Variants in ALX4 observed in about 807,000 individuals in gnomAD.
ALX4 encodes the protein homeobox protein aristaless-like 4.
Under a neutral mutation model 40.6 loss-of-function variants are expected in ALX4, and 22 were observed. The ratio of observed to expected loss-of-function variants is 0.54; its 90% CI spans 0.39 to 0.77. The LOEUF is 0.77. ALX4 is among the 30% of genes least tolerant of loss of function. ALX4 has a pLI of 0.00. For missense variants in ALX4, 556 were observed against 564.8 expected, an observed-to-expected ratio of 0.98 and a Z score of 0.16; for synonymous variants, 266 against 240.5, an observed-to-expected ratio of 1.11 and a Z score of -0.98.
chr11:44,298,734 A>T (rs534523706), intron 1 of ALX4, among the ~76,000 whole-genome samples: 23 of 151,936 alleles, frequency 1.5e-4, no homozygotes, highest in African/African-American at 5.5e-4. Context: ...GAAGACCAAG[A>T]CTTGTGCTAA....
rs1442092132 is a variant in ALX4 at position 44,265,095 on chromosome 11, A to T, written c.995T>A (p.Met332Lys). Residue 332 changes from methionine to lysine, a missense_variant, in exon 4 of 4, where the codon ATG becomes AAG. By Grantham distance (95) the Met-to-Lys change is moderately conservative. Coordinates refer to ENST00000652299, the MANE Select transcript of ALX4 (RefSeq NM_021926.4). ...GCCAGGGGGGTGGGCATGAGGGGAC[A>T]TGCAGGCAGGCACCGGGTCGCAGGG... ...VVPCDPVPAC[M>K]SPHAHPPGSG... 3.1e-6 allele frequency: 5 copies of T among 1,612,714 alleles called. No individual in the cohort carries two copies. The highest frequency in any genetic ancestry group is 4.2e-6 in the Non-Finnish European group (5 of 1,179,796).
chr11:44,270,970 C>T (rs1391910058), intron 2 of ALX4, among the ~76,000 whole-genome samples: 1 of 152,186 alleles, frequency 6.6e-6, no homozygotes, highest in East Asian at 1.9e-4. Flanking sequence ...GAGAGAGGCC[C>T]CTGCAGCCCC....
At chr11:44,306,421 C>A (rs1269357274) in intron 1 of ALX4, among the ~76,000 whole-genome samples, 3 of 152,254 alleles carry the variant, frequency 2.0e-5, no homozygotes, top group Non-Finnish European at 4.4e-5. Context: ...ACCTTCCTTG[C>A]CGAGAGGCAA....
intron 2 of ALX4, among the ~76,000 whole-genome samples, chr11:44,271,346 T>C (rs2135310347): frequency 6.6e-6 from 1 of 152,364 alleles, no homozygotes; most frequent in East Asian, 1.9e-4. Context: ...GTCGCAGTGC[T>C]GCTACTGAGT....
chr11:44,274,057 T>C (rs1356100066), intron 2 of ALX4, among the ~76,000 whole-genome samples: 3 of 152,194 alleles, frequency 2.0e-5, no homozygotes, highest in African/African-American at 7.2e-5. Flanking sequence ...GGATGATCAC[T>C]TTAGCCTAGG....
chr11:44,302,334 C>T (rs906560807), intron 1 of ALX4, among the ~76,000 whole-genome samples: 10 of 152,304 alleles, frequency 6.6e-5, no homozygotes, highest in East Asian at 3.9e-4. Context: ...AGAATGGGCA[C>T]GGCACACACC....
chr11:44,280,886 T>TG (rs1314555621), intron 1 of ALX4, among the ~76,000 whole-genome samples: 2 of 152,162 alleles, frequency 1.3e-5, no homozygotes. Flanking sequence ...GAACTCCCCC[T>TG]GGGGGGACCC....
In ALX4 at chr11:44,265,163, G is replaced by A. The variant is rs747416406; in HGVS notation, c.927C>T (p.Leu309=). Residue 309 remains leucine (L), a synonymous_variant, in exon 4 of 4, where the codon CTC becomes CTT. Transcript: ENST00000652299. The part of the protein sequence containing the change: ...NYAQIQNPSW[L]GNNGAASPVP... ...CTGGTGAGGCAGCCCCGTTGTTGCC[G>A]AGCCAGGACGGGTTCTGAATCTGGG... 2.4e-5 allele frequency: 39 copies of A among 1,604,034 alleles called. No individual in the cohort carries two copies. Among genetic ancestry groups the A allele is most frequent in the Middle Eastern group, 3.3e-4 (2 of 5,998 alleles).
chr11:44,275,469 G>A lies in ALX4; in HGVS notation c.656C>T (p.Thr219Ile). ...CTCCAGCTGGTAGCTGGTGAAGGTG[G>A]TCCGGTTCCGCCGCTTCTTGCCCTT... ...SNKGKKRRNR[T>I]TFTSYQLEEL... The change falls in exon 2 of 4, where the codon ACC (threonine) becomes ATC (isoleucine). Residue 219 changes from threonine to isoleucine, a missense_variant. Coordinates refer to ENST00000652299, the MANE Select transcript of ALX4 (RefSeq NM_021926.4). The A allele has an allele frequency of 1.2e-6, 2 of 1,613,994 alleles. No individual in the cohort carries two copies. The highest frequency in any genetic ancestry group is 1.7e-6 in the Non-Finnish European group (2 of 1,179,878).
At chr11:44,270,341 TGA>T (rs141346990) in intron 2 of ALX4, among the ~76,000 whole-genome samples, 19,952 of 151,940 alleles carry the variant, frequency 0.13, 1,662 homozygotes, top group Non-Finnish European at 0.19. Context: ...ATGGAAATGG[TGA>T]GAGGCGGGTG....
intron 1 of ALX4, among the ~76,000 whole-genome samples, chr11:44,297,279 T>A (rs985907556): frequency 2.6e-5 from 4 of 152,210 alleles, no homozygotes; most frequent in Non-Finnish European, 2.9e-5. Context: ...CAATAAAAAG[T>A]TCATTCTTAA....
intron 1 of ALX4, among the ~76,000 whole-genome samples, chr11:44,287,298 A>G (rs1280685222): frequency 1.3e-5 from 2 of 152,104 alleles, no homozygotes; most frequent in Non-Finnish European, 2.9e-5. Flanking sequence ...AAAACAAAAA[A>G]CAAACAAACA....
At chr11:44,294,484 T>C (rs1956391517) in intron 1 of ALX4, among the ~76,000 whole-genome samples, 1 of 152,134 alleles carries the variant, frequency 6.6e-6, no homozygotes, top group South Asian at 2.1e-4. Context: ...TCATGACACA[T>C]GTGTACGAGG....
At position 44,307,643 on chromosome 11, in the gene ALX4, G is replaced by A. The variant is rs1590706564; in HGVS notation, c.466+1954C>T. ...CTGGCTATGCAGGATGAACCTCCAT[G>A]GGTCCCCTAGTCTGCGACCTGCCCT... On this transcript the variant is annotated intron_variant, in intron 1 of 3. Transcript: ENST00000652299. Among the ~76,000 whole-genome samples the A allele has an allele frequency of 6.6e-5, 10 of 152,360 alleles. No individual in the cohort carries two copies. The South Asian group carries it at 2.1e-3, about 32-fold the overall frequency.
rs376431354 is a variant in ALX4 at position 44,272,361 on chromosome 11, G to A, written c.777+2987C>T. On this transcript the variant is annotated intron_variant, in intron 2 of 3. Transcript: ENST00000652299. The stretch of plus-strand genomic sequence containing the variant: ...TCTATTAAATATACAAAAATTAGCC[G>A]GGTGTGGTGGTGCACACCTGTAATC... Among the ~76,000 whole-genome samples, 16 of 151,758 alleles carry A rather than the reference G, an allele frequency of 1.1e-4. No individual in the cohort carries two copies. In the East Asian group the frequency reaches 1.2e-3, roughly 11 times the overall value.
chr11:44,309,977 T>C lies in ALX4; in HGVS notation c.86A>G (p.Glu29Gly). 1 of 1,598,852 alleles carries C rather than the reference T, an allele frequency of 6.3e-7. No individual in the cohort carries two copies. Among genetic ancestry groups the C allele is most frequent in the South Asian group, 1.1e-5 (1 of 88,392 alleles). The stretch of plus-strand genomic sequence containing the variant: ...AAATGCCCTAAAAGGCGACGAGCCC[T>C]CCCGACTCTGCGACACCGGGCTGTA... ...AYYSPVSQSR[E>G]GSSPFRAFPG... Residue 29 changes from glutamate (E) to glycine (G), a missense_variant, in exon 1 of 4, where the codon GAG becomes GGG. Coordinates refer to ENST00000652299, the MANE Select transcript of ALX4 (RefSeq NM_021926.4).
chr11:44,284,438 A>G (rs1956327048), intron 1 of ALX4, among the ~76,000 whole-genome samples: 1 of 152,242 alleles, frequency 6.6e-6, no homozygotes, highest in Admixed American at 6.5e-5. Flanking sequence ...AAACAATATA[A>G]GTATATCCCA....
intron 1 of ALX4, among the ~76,000 whole-genome samples, chr11:44,306,156 G>C (rs1956466527): frequency 6.6e-6 from 1 of 152,390 alleles, no homozygotes; most frequent in African/African-American, 2.4e-5. Context: ...TGCAACAGAA[G>C]AGGGCTCGGT....
rs1325435627 is a variant in ALX4, at chr11:44,263,324, G to T, written c.*1530C>A. ...GGTCTGACAGGCCTGCCTCTGGACG[G>T]TTACTGTGTACTCCCAGCTGAGGTG... On this transcript the variant is annotated 3_prime_UTR_variant, in exon 4 of 4. Transcript: ENST00000652299. The T allele has an allele frequency of 6.6e-6, 1 of 152,308 alleles. No homozygotes were observed. The highest frequency in any genetic ancestry group is 1.9e-4 in the East Asian group (1 of 5,190). 9.4% of individuals were successfully genotyped at this position (152,308 alleles called of 1,614,324 possible). A position where few individuals can be genotyped will look rare whatever the true frequency, so the allele number is the denominator to read the frequency against.
Sources: allele counts gnomAD v4.1 joint callset (sites outside exome capture counted in the v4.1 genomes callset), GRCh38; gene constraint gnomAD v4.1.1; transcripts MANE v1.5; gene names NCBI Gene and HGNC (gene_info 2026-07-23, HGNC 2026-07-21).